Variants in ABLIM2 observed in about 807,000 individuals in gnomAD.
The protein encoded by ABLIM2 is actin-binding LIM protein 2.
A neutral mutation model predicts 97.7 loss-of-function variants in ABLIM2; 53 were observed. That is an observed-to-expected ratio of 0.54 (90% confidence interval 0.44 to 0.68). The LOEUF (loss-of-function observed/expected upper bound fraction) is 0.68, where lower values mean the gene tolerates loss of function less well. Ranked by LOEUF, ABLIM2 falls within the 30% of genes least tolerant of loss-of-function variation. The probability of loss-of-function intolerance (pLI) is 0.00; values close to 1 mark genes in which losing one functional copy is unlikely to be tolerated. For synonymous variants in ABLIM2, 361 were observed against 345.8 expected, an observed-to-expected ratio of 1.04 and a Z score of -0.49; for missense variants, 835 against 867.2, an observed-to-expected ratio of 0.96 and a Z score of 0.47.
intron 14 of ABLIM2, among the ~76,000 whole-genome samples, chr4:8,009,428 G>A (rs1228163308): frequency 3.3e-5 from 5 of 152,010 alleles, no homozygotes; most frequent in African/African-American, 4.8e-5. Context: ...ATGGAGTCTC[G>A]CTCTGTCACC....
At chr4:7,973,799 C>T (rs1017903421) in intron 20 of ABLIM2, among the ~76,000 whole-genome samples, 1 of 152,220 alleles carries the variant, frequency 6.6e-6, no homozygotes, top group African/African-American at 2.4e-5. Flanking sequence ...CACCCATCCA[C>T]CTTGCGTTCT....
intron 2 of ABLIM2, among the ~76,000 whole-genome samples, chr4:8,098,769 G>A (rs2152683792): frequency 6.6e-6 from 1 of 152,270 alleles, no homozygotes; most frequent in South Asian, 2.1e-4. Flanking sequence ...GGGGTACACG[G>A]CAGCACAGAT....
chr4:8,052,403 G>A (rs994990006), intron 8 of ABLIM2, among the ~76,000 whole-genome samples: 1 of 152,258 alleles, frequency 6.6e-6, no homozygotes, highest in Admixed American at 6.5e-5. Flanking sequence ...AGGGTAGCTT[G>A]TAGAATGAAT....
In ABLIM2 at chr4:8,120,105, G is replaced by A. The variant is rs1409849652; in HGVS notation, c.11-13468C>T. 6.6e-6 allele frequency among the ~76,000 whole-genome samples: 1 copy of A among 152,194 alleles called. No homozygotes were observed. The highest frequency in any genetic ancestry group is 2.4e-5 in the African/African-American group (1 of 41,446). ...GGCAGGGTCCCTGGCGGCCCCCAGA[G>A]CCTGAGAGGAGCCTCTCCTCTGGGA... On this transcript the variant is annotated intron_variant, in intron 1 of 20. Transcript: ENST00000447017. The surrounding 1 kb of genome is among the most constrained non-coding windows in gnomAD (Gnocchi z 5.6).
chr4:8,095,348 C>T lies in ABLIM2; in HGVS notation c.338+1751G>A, dbSNP rs1043007975. ...TGAACTCCCAGCCTCAAGTGATCCT[C>T]GCACCTCGGCCTCCCAAAGTGGAGG... is the stretch of plus-strand genomic sequence containing the variant. On this transcript the variant is annotated intron_variant, in intron 3 of 20. Coordinates refer to ENST00000447017, the MANE Select transcript of ABLIM2 (RefSeq NM_001130083.2). The surrounding 1 kb of genome is among the most constrained non-coding windows in gnomAD (Gnocchi z 4.7). Among the ~76,000 whole-genome samples, 44 of 152,130 alleles carry T rather than the reference C, an allele frequency of 2.9e-4. No individual in the cohort carries two copies. Among genetic ancestry groups the T allele is most frequent in the Admixed American group, 2.6e-3 (39 of 15,274 alleles).
intron 5 of ABLIM2, among the ~76,000 whole-genome samples, chr4:8,080,467 C>G (rs1322181140): frequency 6.6e-6 from 1 of 152,204 alleles, no homozygotes; most frequent in African/African-American, 2.4e-5. Flanking sequence ...GAAGCCAGGG[C>G]TGGCCAGGGA....
chr4:8,135,924 G>T (rs1226724822), intron 1 of ABLIM2, among the ~76,000 whole-genome samples: 2 of 152,212 alleles, frequency 1.3e-5, no homozygotes, highest in Non-Finnish European at 2.9e-5. Flanking sequence ...CATGAGGCCT[G>T]GCAACCGGTC....
intron 10 of ABLIM2, among the ~76,000 whole-genome samples, chr4:8,029,987 G>C (rs1779847963): frequency 6.6e-6 from 1 of 152,194 alleles, no homozygotes; most frequent in African/African-American, 2.4e-5. Context: ...CGCTGTGCCT[G>C]CTGGATCCTT....
rs563173278 is a variant in ABLIM2 at position 8,072,715 on chromosome 4, G to A, written c.675+4913C>T. On this transcript the variant is annotated intron_variant, in intron 6 of 20. Transcript: ENST00000447017. The surrounding 1 kb of genome is among the most constrained non-coding windows in gnomAD (Gnocchi z 5.8). ...GGCACGTGGGTGGATCCAGCTGGAC[G>A]CCCAGGTGAGTGGTGGGAGGCAGTG... Among the ~76,000 whole-genome samples the A allele has an allele frequency of 3.9e-5, 6 of 152,340 alleles. No individual in the cohort carries two copies. In the East Asian group the frequency reaches 7.7e-4, roughly 20 times the overall value.
At position 8,127,436 on chromosome 4, in the gene ABLIM2, C is replaced by T. The variant is rs892344166; in HGVS notation, c.11-20799G>A. 4 of 1,232,840 alleles carry T rather than the reference C, an allele frequency of 3.2e-6. No individual in the cohort carries two copies. The highest frequency in any genetic ancestry group is 1.3e-5 in the South Asian group (1 of 77,292). 76.4% of individuals were successfully genotyped at this position (1,232,840 alleles called of 1,614,324 possible). On this transcript the variant is annotated intron_variant, in intron 1 of 20. Coordinates refer to ENST00000447017, the MANE Select transcript of ABLIM2 (RefSeq NM_001130083.2). This position sits in a 1 kb window ranked among gnomAD's most constrained non-coding sequence, Gnocchi z 7.3. ...ACTGGACCCGTCCTTTCCCACCAGACCCCTGAAGCTGATTCATGGAGCTCA... is the reference window on the plus strand; with the variant it reads ...ACTGGACCCGTCCTTTCCCACCAGATCCCTGAAGCTGATTCATGGAGCTCA...
chr4:8,067,942 C>A lies in ABLIM2; in HGVS notation c.676-6888G>T, dbSNP rs1409161164. 6.6e-6 allele frequency among the ~76,000 whole-genome samples: 1 copy of A among 152,184 alleles called. No individual in the cohort carries two copies. Among genetic ancestry groups the A allele is most frequent in the African/African-American group, 2.4e-5 (1 of 41,436 alleles). ...AGGTACCGGCATGGCACAGGTCACCCCCTCCCTACCCCATACTTCCTGCTG... is the reference window on the plus strand; with the variant it reads ...AGGTACCGGCATGGCACAGGTCACCACCTCCCTACCCCATACTTCCTGCTG... On this transcript the variant is annotated intron_variant, in intron 6 of 20. Coordinates refer to ENST00000447017, the MANE Select transcript of ABLIM2 (RefSeq NM_001130083.2). The surrounding 1 kb of genome is among the most constrained non-coding windows in gnomAD (Gnocchi z 5.4).
At position 8,069,872 on chromosome 4, in the gene ABLIM2, C is replaced by T. The variant is rs964627119; in HGVS notation, c.675+7756G>A. ...TGTGTTTTCTGTGTGTCTGCGTTGTCGATGTCTGTGTCCCTGTGTTTATGT... is the reference window on the plus strand; with the variant it reads ...TGTGTTTTCTGTGTGTCTGCGTTGTTGATGTCTGTGTCCCTGTGTTTATGT... On this transcript the variant is annotated intron_variant, in intron 6 of 20. Coordinates refer to ENST00000447017, the MANE Select transcript of ABLIM2 (RefSeq NM_001130083.2). The surrounding 1 kb of genome is among the most constrained non-coding windows in gnomAD (Gnocchi z 4.2). 2.6e-5 allele frequency among the ~76,000 whole-genome samples: 4 copies of T among 151,354 alleles called. No individual in the cohort carries two copies. The highest frequency in any genetic ancestry group is 2.6e-4 in the Admixed American group (4 of 15,178).
At chr4:8,116,513 G>A (rs1420949518) in intron 1 of ABLIM2, among the ~76,000 whole-genome samples, 1 of 152,142 alleles carries the variant, frequency 6.6e-6, no homozygotes. Context: ...TTTTGCAAGG[G>A]GTCTGTAAAT....
rs541933255 is a variant in ABLIM2 at position 8,114,082 on chromosome 4, C to T, written c.11-7445G>A. On this transcript the variant is annotated intron_variant, in intron 1 of 20. Coordinates refer to ENST00000447017, the MANE Select transcript of ABLIM2 (RefSeq NM_001130083.2). ...CACCTTCATTGCGGCACAGCCCTGA[C>T]ACATGGGTGGCTGCTGTCCACTGGC... Among the ~76,000 whole-genome samples the T allele has an allele frequency of 5.6e-4, 86 of 152,246 alleles. 3 individuals carry two copies. Among genetic ancestry groups the T allele is most frequent in the Non-Finnish European group, 2.4e-4 (16 of 68,044 alleles).
intron 1 of ABLIM2, among the ~76,000 whole-genome samples, chr4:8,151,112 T>A (rs1312905363): frequency 1.3e-5 from 2 of 152,058 alleles, no homozygotes; most frequent in Non-Finnish European, 2.9e-5. Context: ...ATTTAAACAA[T>A]CCGCTTGGAG....
rs34746534 is a variant in ABLIM2 at position 8,132,153 on chromosome 4, A to G, written c.11-25516T>C. ...ACAGGAACGACCTGGTTGGAAAGGA[A>G]ACAGCGTACATGGTCCCACGAGGCT... On this transcript the variant is annotated intron_variant, in intron 1 of 20. Coordinates refer to ENST00000447017, the MANE Select transcript of ABLIM2 (RefSeq NM_001130083.2). The surrounding 1 kb of genome is among the most constrained non-coding windows in gnomAD (Gnocchi z 8.0). Among the ~76,000 whole-genome samples the G allele has an allele frequency of 1.2e-3, 188 of 151,626 alleles. No individual in the cohort carries two copies. The highest frequency in any genetic ancestry group is 2.3e-3 in the Non-Finnish European group (154 of 67,884).
Position 8,054,333 on chromosome 4 carries a change from T to A in ABLIM2, c.764-87A>T, listed in dbSNP as rs1432696090. 1 of 1,421,842 alleles carries A rather than the reference T, an allele frequency of 7.0e-7. No individual in the cohort carries two copies. The highest frequency in any genetic ancestry group is 2.3e-5 in the East Asian group (1 of 43,236). The allele number at this position is 1,421,842 out of a possible 1,614,324, so 88.1% of individuals were successfully genotyped here. ...GTGGAAACGCAGAGGAGGGAGCTGG[T>A]CCATGCACAGACGTGCACTCGGACT... On this transcript the variant is annotated intron_variant, in intron 7 of 20. Transcript: ENST00000447017. This position sits in a 1 kb window ranked among gnomAD's most constrained non-coding sequence, Gnocchi z 4.9.
intron 2 of ABLIM2, among the ~76,000 whole-genome samples, chr4:8,103,351 C>A (rs1835609827): frequency 6.6e-6 from 1 of 152,238 alleles, no homozygotes; most frequent in African/African-American, 2.4e-5. Context: ...AAGTGCAGCT[C>A]ATTTGAAAGC....
At chr4:8,142,680 G>A (rs1190744935) in intron 1 of ABLIM2, among the ~76,000 whole-genome samples, 1 of 152,244 alleles carries the variant, frequency 6.6e-6, no homozygotes, top group Non-Finnish European at 1.5e-5. Flanking sequence ...GGTGGGCACA[G>A]AGGGGGACCA....
Sources: gnomAD v4.1 joint callset for allele counts (sites outside exome capture counted in the v4.1 genomes callset) on GRCh38, gnomAD v4.1.1 for gene constraint, Gnocchi (gnomAD v3.1) non-coding constraint, MANE v1.5 for transcripts, NCBI Gene and HGNC (gene_info 2026-07-23, HGNC 2026-07-21) for gene names.